The following C3orf49 variants were observed in gnomAD, a reference collection of about 807,000 sequenced individuals.
C3orf49 encodes the protein chromosome 3 open reading frame 49, also known as putative uncharacterized protein C3orf49.
A neutral mutation model predicts 13.3 loss-of-function variants in C3orf49; 27 were observed. The observed-to-expected ratio is 2.02, with a 90% CI of 1.49 to 2.79. The LOEUF (loss-of-function observed/expected upper bound fraction) is 2.79, where lower values mean the gene tolerates loss of function less well. Among genes scored for constraint, C3orf49 ranks in the 30% most tolerant of loss-of-function variants. C3orf49 has a pLI of 0.00. For missense variants in C3orf49, 242 were observed against 134.2 expected, an observed-to-expected ratio of 1.80 and a Z score of -3.97; for synonymous variants, 87 against 47.6, an observed-to-expected ratio of 1.83 and a Z score of -3.40.
chr3:63,830,913 C>G (rs1701524014), intron 3 of C3orf49, among the ~76,000 whole-genome samples, 197 bp from the exon 4 acceptor site: 1 of 152,090 alleles, frequency 6.6e-6, no homozygotes, highest in Non-Finnish European at 1.5e-5. Flanking sequence ...TAGATCTCTT[C>G]AAAGAGAGCT....
the C3orf49 span, among the ~76,000 whole-genome samples, chr3:63,805,690 C>T: frequency 2.6e-5 from 4 of 152,236 alleles, no homozygotes; most frequent in African/African-American, 9.6e-5. Flanking sequence ...TACAAACCCA[C>T]ATCTTATAAA....
At chr3:63,811,493 G>A in the C3orf49 span, among the ~76,000 whole-genome samples, 1 of 151,480 alleles carries the variant, frequency 6.6e-6, no homozygotes. Context: ...GGGAGGCGGA[G>A]CTTGCAGTGA....
At chr3:63,838,006 G>T in intron 5 of C3orf49, 1 of 1,609,274 alleles carries the variant, frequency 6.2e-7, no homozygotes, top group Non-Finnish European at 8.5e-7. Context: ...CGTTTTGCTT[G>T]AAGAATTTGC....
intron 3 of C3orf49, 103 bp from the exon 4 acceptor site, chr3:63,831,007 G>C (rs1031667155): frequency 1.6e-6 from 1 of 623,560 alleles, no homozygotes; most frequent in African/African-American, 1.8e-5. Flanking sequence ...CAAATGTTCA[G>C]TTTATAAGAT....
the C3orf49 span, among the ~76,000 whole-genome samples, chr3:63,793,736 C>A: frequency 6.6e-6 from 1 of 152,246 alleles, no homozygotes; most frequent in South Asian, 2.1e-4. Context: ...ATCTGATATA[C>A]CAAAATATAT....
intron 5 of C3orf49, chr3:63,835,093 A>G: frequency 1.3e-6 from 2 of 1,515,274 alleles, no homozygotes; most frequent in Admixed American, 1.8e-5. Flanking sequence ...TTCAAAAGGT[A>G]CATCCCTGGG....
chr3:63,785,334 A>C, the C3orf49 span, among the ~76,000 whole-genome samples: 2 of 151,570 alleles, frequency 1.3e-5, no homozygotes, highest in African/African-American at 4.8e-5. Context: ...GGCCTCTCAA[A>C]GTGCTGGGAT....
chr3:63,811,668 G>A, the C3orf49 span, among the ~76,000 whole-genome samples: 2,063 of 151,796 alleles, frequency 0.014, 20 homozygotes, highest in Middle Eastern at 0.055. Flanking sequence ...GATCACCTGC[G>A]CCTCAGTTCA....
intron 5 of C3orf49, chr3:63,833,841 T>C (rs1701568590): frequency 7.8e-6 from 2 of 257,544 alleles, no homozygotes; most frequent in Non-Finnish European, 1.5e-5. Context: ...AGTTAAAAAC[T>C]ACCTAGAATA....
upstream of C3orf49, among the ~76,000 whole-genome samples, chr3:63,819,008 G>A (rs1483566803): frequency 2.6e-5 from 4 of 152,328 alleles, no homozygotes; most frequent in Non-Finnish European, 4.4e-5. Context: ...GTTAATCAGC[G>A]TATCGTTGGT....
chr3:63,831,019 A>C (rs1575798744), intron 3 of C3orf49, 91 bp from the exon 4 acceptor site: 2 of 634,230 alleles, frequency 3.2e-6, no homozygotes, highest in East Asian at 5.4e-5. Context: ...TTATAAGATA[A>C]TGTCCTAAGG....
At chr3:63,820,454 T>A (rs1234505888) in intron 1 of C3orf49, among the ~76,000 whole-genome samples, 3 of 152,196 alleles carry the variant, frequency 2.0e-5, no homozygotes, top group African/African-American at 7.2e-5. Context: ...GCTCTGGAGC[T>A]AAATCACCTT....
upstream of C3orf49, among the ~76,000 whole-genome samples, chr3:63,818,844 G>C (rs1472526280): frequency 1.3e-5 from 2 of 152,172 alleles, no homozygotes; most frequent in Non-Finnish European, 2.9e-5. Context: ...TGTACTTTGA[G>C]AGACCACTGC....
chr3:63,779,896 C>G, the C3orf49 span: 1 of 152,182 alleles, frequency 6.6e-6, no homozygotes, highest in South Asian at 2.1e-4. Context: ...TTATCTTCAT[C>G]TGTTGCCTGG....
chr3:63,779,863 G>C, the C3orf49 span: 3 of 152,162 alleles, frequency 2.0e-5, no homozygotes, highest in African/African-American at 7.2e-5. Context: ...CGTGGATCTA[G>C]TTGAAAGGTT....
At chr3:63,811,875 A>G in the C3orf49 span, among the ~76,000 whole-genome samples, 3 of 151,590 alleles carry the variant, frequency 2.0e-5, no homozygotes, top group Non-Finnish European at 2.9e-5. Context: ...AAAAAAATTG[A>G]TCTCCAGAAA....
At chr3:63,806,831 C>A in the C3orf49 span, among the ~76,000 whole-genome samples, 1 of 152,210 alleles carries the variant, frequency 6.6e-6, no homozygotes, top group African/African-American at 2.4e-5. Context: ...TTGCATGTTA[C>A]CCCATCATGA....
intron 4 of C3orf49, 29 bp from the exon 5 acceptor site, chr3:63,831,651 C>T (rs1257816659): frequency 1.4e-6 from 1 of 696,180 alleles, no homozygotes; most frequent in East Asian, 2.7e-5. Context: ...CAACACATGG[C>T]TTCATTTCTT....
upstream of C3orf49, among the ~76,000 whole-genome samples, chr3:63,817,415 G>T (rs1701337057): frequency 7.7e-6 from 1 of 129,356 alleles, no homozygotes. Flanking sequence ...CAGTATCCCT[G>T]GTGTCTAGGG....
Sources: allele counts gnomAD v4.1 joint callset (sites outside exome capture counted in the v4.1 genomes callset), GRCh38; gene constraint gnomAD v4.1.1; transcripts MANE v1.5; gene names NCBI Gene and HGNC (gene_info 2026-07-23, HGNC 2026-07-21).